Variants in SSH1 observed in about 807,000 individuals in gnomAD.
SSH1 encodes the protein slingshot protein phosphatase 1.
A neutral mutation model predicts 79.7 loss-of-function variants in SSH1; 43 were observed. The ratio of observed to expected loss-of-function variants is 0.54; its 90% CI spans 0.42 to 0.70. SSH1 has a LOEUF of 0.70. Among genes scored for constraint, SSH1 ranks in the 30% least tolerant of loss-of-function variants. SSH1 has a pLI of 0.00. For missense variants in SSH1, 1,206 were observed against 1,358.8 expected, an observed-to-expected ratio of 0.89 and a Z score of 1.77; for synonymous variants, 599 against 538.3, an observed-to-expected ratio of 1.11 and a Z score of -1.56.
intron 2 of SSH1, among the ~76,000 whole-genome samples, chr12:108,833,399 A>G (rs546670616): frequency 1.9e-4 from 29 of 152,366 alleles, no homozygotes; most frequent in African/African-American, 6.3e-4. Flanking sequence ...CACGCCAGAA[A>G]TAACAGGCAC....
chr12:108,853,629 G>C (rs1412538078), intron 1 of SSH1, among the ~76,000 whole-genome samples: 1 of 152,206 alleles, frequency 6.6e-6, no homozygotes, highest in South Asian at 2.1e-4. Context: ...CTTCAACCAA[G>C]AATGAGTACA....
chr12:108,823,391 G>T, intron 2 of SSH1, 30 bp from the exon 3 acceptor site: 1 of 1,533,612 alleles, frequency 6.5e-7, no homozygotes, highest in South Asian at 1.2e-5. Context: ...AGCACAGTTA[G>T]ACCGGAATTC....
At chr12:108,806,531 T>C in intron 8 of SSH1, 137 bp from the exon 9 acceptor site, 1 of 791,732 alleles carries the variant, frequency 1.3e-6, no homozygotes, top group East Asian at 2.6e-5. Context: ...GTGCATGTTC[T>C]CAGGCAGCAG....
At chr12:108,794,491 G>C (rs1474077265) in intron 13 of SSH1, among the ~76,000 whole-genome samples, 1 of 152,218 alleles carries the variant, frequency 6.6e-6, no homozygotes, top group African/African-American at 2.4e-5. Context: ...CCTCGTAAAA[G>C]GGGGATAACC....
chr12:108,781,617 G>A lies in SSH1; in HGVS notation c.*6371C>T, dbSNP rs1389286592. The A allele has an allele frequency of 1.3e-5, 2 of 152,216 alleles. No homozygotes were observed. The highest frequency in any genetic ancestry group is 2.9e-5 in the Non-Finnish European group (2 of 68,048). 9.4% of individuals were successfully genotyped at this position (152,216 alleles called of 1,614,324 possible). A position where few individuals can be genotyped will look rare whatever the true frequency, so the allele number is the denominator to read the frequency against. The stretch of plus-strand genomic sequence containing the variant: ...CACTGGAATTTAGGGGTCACGCCCA[G>A]GTACTTGTGACAGTTAGTGCTCACC... On this transcript the variant is annotated 3_prime_UTR_variant, in exon 15 of 15. Transcript: ENST00000326495.
intron 7 of SSH1, among the ~76,000 whole-genome samples, chr12:108,808,877 G>A (rs1359063220): frequency 2.2e-5 from 3 of 137,578 alleles, no homozygotes; most frequent in Admixed American, 8.2e-5. Flanking sequence ...TCCATCGCCC[G>A]GGCTGGAGTG....
intron 6 of SSH1, 30 bp downstream of exon 6, chr12:108,811,230 T>C: frequency 6.8e-6 from 11 of 1,608,038 alleles, no homozygotes; most frequent in Non-Finnish European, 9.4e-6. Flanking sequence ...CTACATACAG[T>C]GAGAGAATCT....
chr12:108,807,705 C>G lies in SSH1; in HGVS notation c.659G>C (p.Cys220Ser). Residue 220 changes from cysteine (C) to serine (S), a missense_variant, in exon 8 of 15, where the codon TGC becomes TCC. Coordinates refer to ENST00000326495, the MANE Select transcript of SSH1 (RefSeq NM_018984.4). This position sits in a 1 kb window ranked among gnomAD's most constrained non-coding sequence, Gnocchi z 5.2. ...CTGCATGGCGTTCCACTCGTTGATG[C>G]AGCTCTGCTCGGAGCTGATGCAGCT... Reference protein sequence around the residue: ...YESCISSEQSCINEWNAMQDL... With the variant: ...YESCISSEQSSINEWNAMQDL... 6.2e-7 allele frequency: 1 copy of G among 1,613,348 alleles called. No homozygotes were observed. Among genetic ancestry groups the G allele is most frequent in the Non-Finnish European group, 8.5e-7 (1 of 1,179,510 alleles).
intron 13 of SSH1, among the ~76,000 whole-genome samples, chr12:108,798,729 G>A (rs1195009463): frequency 2.0e-5 from 3 of 152,242 alleles, no homozygotes; most frequent in Admixed American, 1.3e-4. Flanking sequence ...CCTTGGCTTA[G>A]AACCTAGGCA....
At chr12:108,846,984 C>T (rs1444517140) in intron 2 of SSH1, among the ~76,000 whole-genome samples, 1 of 152,086 alleles carries the variant, frequency 6.6e-6, no homozygotes, top group Non-Finnish European at 1.5e-5. Context: ...GCAGTCTCGA[C>T]CTCCTGGGTT....
intron 2 of SSH1, among the ~76,000 whole-genome samples, chr12:108,840,467 A>AG (rs1416848551): frequency 8.6e-5 from 13 of 151,936 alleles, no homozygotes; most frequent in African/African-American, 3.1e-4. Context: ...CAGGAGGCAG[A>AG]GGTTGCAGTT....
In SSH1 at chr12:108,782,639, CTG is replaced by C. The variant is rs1271564099; in HGVS notation, c.*5347_*5348del. The C allele has an allele frequency of 1.3e-5, 2 of 151,022 alleles. No homozygotes were observed. The highest frequency in any genetic ancestry group is 2.9e-5 in the Non-Finnish European group (2 of 68,002). 9.4% of individuals were successfully genotyped at this position (151,022 alleles called of 1,614,324 possible). A position where few individuals can be genotyped will look rare whatever the true frequency, so the allele number is the denominator to read the frequency against. On this transcript the variant is annotated 3_prime_UTR_variant, in exon 15 of 15. Transcript: ENST00000326495. ...ACGATGATGATGACGATGTATCAGA[CTG>C]TTTTGGCAAGGGCTGAGGAAGCAGT...
Position 108,809,678 on chromosome 12 carries a change from T to C in SSH1, c.536+15A>G, listed in dbSNP as rs746782022. 1.2e-6 allele frequency: 2 copies of C among 1,612,478 alleles called. No individual in the cohort carries two copies. Among genetic ancestry groups the C allele is most frequent in the South Asian group, 2.2e-5 (2 of 91,056 alleles). On this transcript the variant is annotated intron_variant, in intron 7 of 14. Coordinates refer to ENST00000326495, the MANE Select transcript of SSH1 (RefSeq NM_018984.4). ...ATATTTCTAGGGAGTTAAAAGTCCC[T>C]AAAACCACACTTACCACATGGCCTG...
chr12:108,828,122 T>TA (rs2038376554), intron 2 of SSH1, among the ~76,000 whole-genome samples: 1 of 152,144 alleles, frequency 6.6e-6, no homozygotes, highest in Admixed American at 6.5e-5. Flanking sequence ...ATGGAATAAG[T>TA]ACCCTAAGAA....
chr12:108,805,628 G>GTGGATCCCGGCACTC (rs2037232888), intron 9 of SSH1, among the ~76,000 whole-genome samples: 1 of 151,862 alleles, frequency 6.6e-6, no homozygotes, highest in African/African-American at 2.4e-5. Context: ...GGAGGCCTTG[G>GTGGATCCCGGCACTC]TGGGAGGATT....
chr12:108,810,963 T>C (rs2037557965), intron 6 of SSH1, among the ~76,000 whole-genome samples: 1 of 152,248 alleles, frequency 6.6e-6, no homozygotes, highest in Non-Finnish European at 1.5e-5. Context: ...GAGAGTTCAC[T>C]TAACCCATCG....
At chr12:108,856,056 C>A (rs1054957646) in intron 1 of SSH1, among the ~76,000 whole-genome samples, 21 of 152,238 alleles carry the variant, frequency 1.4e-4, no homozygotes, top group African/African-American at 4.3e-4. Context: ...CCACTCCCTC[C>A]CACAAAGAAA....
At position 108,789,112 on chromosome 12, in the gene SSH1, T is replaced by G. The variant is rs138720482; in HGVS notation, c.2026A>C (p.Ile676Leu). 1 of 1,613,816 alleles carries G rather than the reference T, an allele frequency of 6.2e-7. No individual in the cohort carries two copies. The highest frequency in any genetic ancestry group is 8.5e-7 in the Non-Finnish European group (1 of 1,179,902). The change falls in exon 15 of 15, where the codon ATC becomes CTC. Residue 676 changes from isoleucine to leucine, a missense_variant. By Grantham distance (5) the Ile-to-Leu change is conservative. Coordinates refer to ENST00000326495, the MANE Select transcript of SSH1 (RefSeq NM_018984.4). Reference sequence around the variant, plus strand: ...GGTAGGAAGGCTGGCTGGGTGCAGATGGCGGGAGCATTGGGGTCCTCACAT... The same window carrying G: ...GGTAGGAAGGCTGGCTGGGTGCAGAGGGCGGGAGCATTGGGGTCCTCACAT... ...ERCEDPNAPA[I>L]CTQPAFLPHI...
intron 14 of SSH1, 151 bp downstream of exon 14, chr12:108,792,135 G>T: frequency 6.7e-7 from 1 of 1,499,130 alleles, no homozygotes. Flanking sequence ...CCCTGGAGAT[G>T]GGAGCTGGGG....
Sources: allele counts gnomAD v4.1 joint callset (sites outside exome capture counted in the v4.1 genomes callset), GRCh38; gene constraint gnomAD v4.1.1; non-coding constraint Gnocchi (gnomAD v3.1); transcripts MANE v1.5; gene names NCBI Gene and HGNC (gene_info 2026-07-23, HGNC 2026-07-21).